The following PPIP5K2 variants were observed in gnomAD, a reference collection of about 807,000 sequenced individuals.
PPIP5K2 encodes the protein diphosphoinositol pentakisphosphate kinase 2.
In PPIP5K2, 105 loss-of-function variants were observed where a neutral mutation model predicts 154.6. The observed-to-expected ratio is 0.68, with a 90% CI of 0.58 to 0.80. The LOEUF (loss-of-function observed/expected upper bound fraction) is 0.80. Among genes scored for constraint, PPIP5K2 ranks in the 30% least tolerant of loss-of-function variants. PPIP5K2 has a pLI of 0.00. For missense variants in PPIP5K2, 992 were observed against 1,504.6 expected (o/e 0.66, Z 5.64); for synonymous variants, 480 against 490.3 (o/e 0.98, Z 0.28).
intron 30 of PPIP5K2, among the ~76,000 whole-genome samples, chr5:103,196,164 A>G (rs963447276): frequency 6.6e-6 from 1 of 152,040 alleles, no homozygotes; most frequent in Non-Finnish European, 1.5e-5. Context: ...ATTTTTTTCT[A>G]TTAAAATGTT....
intron 28 of PPIP5K2, chr5:103,189,201 C>A: frequency 6.5e-7 from 1 of 1,531,698 alleles, no homozygotes; most frequent in Non-Finnish European, 8.7e-7. Flanking sequence ...GGTCCGTTTC[C>A]TCTGTGGAAT....
intron 10 of PPIP5K2, among the ~76,000 whole-genome samples, chr5:103,153,149 CT>C (rs556466453): frequency 6.6e-6 from 1 of 151,468 alleles, no homozygotes; most frequent in African/African-American, 2.4e-5. Context: ...TGACTGAATG[CT>C]TTTTTTTCAC....
intron 3 of PPIP5K2, 116 bp downstream of exon 3, chr5:103,133,764 A>T: frequency 2.6e-6 from 2 of 772,940 alleles, no homozygotes; most frequent in Non-Finnish European, 3.7e-6. Flanking sequence ...ACTTTCATGG[A>T]CAGGTAATAT....
At chr5:103,155,502 T>G (rs192397047) in intron 13 of PPIP5K2, among the ~76,000 whole-genome samples, 341 of 133,744 alleles carry the variant, frequency 2.5e-3, no homozygotes, top group African/African-American at 8.3e-3. Flanking sequence ...CTCAGCTCAC[T>G]GCAACCTCTC....
chr5:103,129,711 G>A lies in PPIP5K2; in HGVS notation c.114+8G>A, dbSNP rs782259002. 6.3e-7 allele frequency: 1 copy of A among 1,592,946 alleles called. No individual in the cohort carries two copies. The highest frequency in any genetic ancestry group is 1.8e-5 in the Admixed American group (1 of 54,618). Reference sequence around the variant, plus strand: ...GAGGAGGAAGATGATTCTGTAAGTTGTTTGTTTTTCCTTTGGCGAGAGAAG... The same window carrying A: ...GAGGAGGAAGATGATTCTGTAAGTTATTTGTTTTTCCTTTGGCGAGAGAAG... On this transcript the variant is annotated splice_region_variant and intron_variant, in intron 2 of 30. Coordinates refer to ENST00000358359, the MANE Select transcript of PPIP5K2 (RefSeq NM_001276277.3).
chr5:103,180,186 G>C lies in PPIP5K2; in HGVS notation c.2920G>C (p.Asp974His). 6.3e-7 allele frequency: 1 copy of C among 1,587,406 alleles called. No homozygotes were observed. The highest frequency in any genetic ancestry group is 1.4e-5 in the African/African-American group (1 of 73,096). Residue 974 changes from aspartate to histidine, a missense_variant and splice_region_variant, in exon 24 of 31, where the codon GAT becomes CAT. Transcript: ENST00000358359. Reference protein sequence around the residue: ...LPRSRKTATNDEESPLSVSSP... With the variant: ...LPRSRKTATNHEESPLSVSSP... ...AAGATCTAGGAAGACGGCTACAAATGATGTAAGTATATGTATCAGAACACA... is the reference window on the plus strand; with the variant it reads ...AAGATCTAGGAAGACGGCTACAAATCATGTAAGTATATGTATCAGAACACA...
chr5:103,155,563 G>A (rs1169459928), intron 13 of PPIP5K2, among the ~76,000 whole-genome samples: 1 of 150,688 alleles, frequency 6.6e-6, no homozygotes, highest in African/African-American at 2.4e-5. Context: ...AAGTATCTGG[G>A]ACCACAGGCA....
At chr5:103,124,674 C>T (rs928735469) in intron 1 of PPIP5K2, among the ~76,000 whole-genome samples, 33 of 152,090 alleles carry the variant, frequency 2.2e-4, no homozygotes, top group African/African-American at 7.5e-4. Context: ...CAACTTTTTT[C>T]ATATTAAGGC....
In PPIP5K2 at chr5:103,203,578, C is replaced by T. The variant is rs1188985505; in HGVS notation, c.*1944C>T. The stretch of plus-strand genomic sequence containing the variant: ...CAGTTTGACTGAAGCATCTGTTTCT[C>T]ACTTGATTCTGTCCTGAGAAGATGT... On this transcript the variant is annotated 3_prime_UTR_variant, in exon 31 of 31. Coordinates refer to ENST00000358359, the MANE Select transcript of PPIP5K2 (RefSeq NM_001276277.3). 1 of 152,254 alleles carries T rather than the reference C, an allele frequency of 6.6e-6. No homozygotes were observed. The highest frequency in any genetic ancestry group is 1.9e-4 in the East Asian group (1 of 5,184). 9.4% of individuals were successfully genotyped at this position (152,254 alleles called of 1,614,324 possible).
At chr5:103,142,072 C>A (rs995043318) in intron 5 of PPIP5K2, among the ~76,000 whole-genome samples, 4 of 152,130 alleles carry the variant, frequency 2.6e-5, no homozygotes, top group Non-Finnish European at 5.9e-5. Context: ...GACTGGGCGC[C>A]GTGGAGCAGG....
intron 19 of PPIP5K2, 93 bp downstream of exon 19, chr5:103,168,388 C>G: frequency 1.1e-6 from 1 of 914,174 alleles, no homozygotes; most frequent in Non-Finnish European, 1.7e-6. Flanking sequence ...GTTTTCATGT[C>G]CTTGGAAAAC....
chr5:103,206,143 A>G lies in PPIP5K2; in HGVS notation c.*4509A>G, dbSNP rs1803502743. ...ACTGGTTTAAATCATCAGAAAATGTATTATTACACATTTCTGAAGGTCCAA... is the reference window on the plus strand; with the variant it reads ...ACTGGTTTAAATCATCAGAAAATGTGTTATTACACATTTCTGAAGGTCCAA... On this transcript the variant is annotated 3_prime_UTR_variant, in exon 31 of 31. Transcript: ENST00000358359. The G allele has an allele frequency of 6.6e-6, 1 of 152,196 alleles. No individual in the cohort carries two copies. The highest frequency in any genetic ancestry group is 6.5e-5 in the Admixed American group (1 of 15,270). The allele number at this position is 152,196 out of a possible 1,614,324, so 9.4% of individuals were successfully genotyped here. A position where few individuals can be genotyped will look rare whatever the true frequency, so the allele number is the denominator to read the frequency against.
At chr5:103,175,892 A>G (rs891834563) in intron 21 of PPIP5K2, among the ~76,000 whole-genome samples, 3 of 152,064 alleles carry the variant, frequency 2.0e-5, no homozygotes, top group Admixed American at 6.6e-5. Context: ...AAATAATTAC[A>G]TGTATTTACT....
chr5:103,155,111 G>GAAGGTTTT (rs1795202351), intron 13 of PPIP5K2, among the ~76,000 whole-genome samples, 168 bp downstream of exon 13: 1 of 152,014 alleles, frequency 6.6e-6, no homozygotes, highest in Non-Finnish European at 1.5e-5. Context: ...TTGCTGTATT[G>GAAGGTTTT]AAGGTTTTAG....
At chr5:103,136,844 AT>A (rs1791584524) in intron 4 of PPIP5K2, 22 bp downstream of exon 4, 1 of 1,560,230 alleles carries the variant, frequency 6.4e-7, no homozygotes, top group Non-Finnish European at 8.8e-7. Context: ...AGTTGGCTGA[AT>A]TAAGGGAAGG....
intron 3 of PPIP5K2, among the ~76,000 whole-genome samples, chr5:103,134,678 G>A (rs902617153): frequency 2.4e-4 from 37 of 152,030 alleles, no homozygotes; most frequent in Non-Finnish European, 4.6e-4. Context: ...TAAAAACTGG[G>A]TGTTATAGCT....
intron 17 of PPIP5K2, among the ~76,000 whole-genome samples, 180 bp downstream of exon 17, chr5:103,159,508 C>T (rs1268759407): frequency 1.3e-5 from 2 of 152,102 alleles, no homozygotes; most frequent in African/African-American, 2.4e-5. Flanking sequence ...TTTTCAATCG[C>T]AACCCATTCC....
chr5:103,145,025 T>G (rs909258693), intron 5 of PPIP5K2, among the ~76,000 whole-genome samples: 1 of 151,844 alleles, frequency 6.6e-6, no homozygotes, highest in Non-Finnish European at 1.5e-5. Flanking sequence ...AAGGGACTAA[T>G]AACCAGAATA....
intron 17 of PPIP5K2, among the ~76,000 whole-genome samples, chr5:103,160,928 G>GT (rs1305939986): frequency 3.3e-4 from 45 of 137,754 alleles, no homozygotes; most frequent in Admixed American, 5.7e-4. Context: ...ATGTCAAACT[G>GT]TTTTTTTTTT....
Sources: gnomAD v4.1 joint callset for allele counts (sites outside exome capture counted in the v4.1 genomes callset) on GRCh38, gnomAD v4.1.1 for gene constraint, MANE v1.5 for transcripts, NCBI Gene and HGNC (gene_info 2026-07-23, HGNC 2026-07-21) for gene names.